GPC5: variants seen among roughly 807,000 people sequenced by gnomAD.
The protein encoded by GPC5 is glypican-5.
In GPC5, 47 loss-of-function variants were observed where a neutral mutation model predicts 53.9. The observed-to-expected ratio is 0.87, with a 90% CI of 0.69 to 1.11. The LOEUF is 1.11. Among genes scored for constraint, GPC5 ranks in the 50% most tolerant of loss-of-function variants. The pLI is 0.00. For missense variants in GPC5, 748 were observed against 713.1 expected (o/e 1.05, Z -0.56); for synonymous variants, 286 against 263.3 (o/e 1.09, Z -0.84).
intron 2 of GPC5, among the ~76,000 whole-genome samples, chr13:91,609,757 C>G (rs886683950): frequency 6.6e-6 from 1 of 152,194 alleles, no homozygotes; most frequent in Non-Finnish European, 1.5e-5. Flanking sequence ...GCATTGCACT[C>G]TGGGTTTTTA....
intron 5 of GPC5, among the ~76,000 whole-genome samples, chr13:91,883,490 G>A (rs571681135): frequency 6.6e-6 from 1 of 152,308 alleles, no homozygotes; most frequent in African/African-American, 2.4e-5. Flanking sequence ...TTTGAGGAGA[G>A]ACTTGAAGGA....
intron 1 of GPC5, among the ~76,000 whole-genome samples, chr13:91,413,791 G>A (rs546808618): frequency 5.9e-5 from 9 of 152,058 alleles, no homozygotes; most frequent in East Asian, 5.8e-4. Context: ...TTAACTTTGC[G>A]TGCTCTTTCT....
intron 1 of GPC5, among the ~76,000 whole-genome samples, chr13:91,405,373 A>C (rs928040557): frequency 2.0e-5 from 3 of 152,172 alleles, no homozygotes; most frequent in Admixed American, 2.0e-4. Flanking sequence ...TGACTTTGCC[A>C]ACTGTCCCAT....
rs375781983 is a variant in GPC5 at position 92,044,784 on chromosome 13, T to C, written c.1402-100046T>C. The stretch of plus-strand genomic sequence containing the variant: ...AAGACATAACCCATCCAGATGTTGA[T>C]GTATTAATTCCTAGTATTTTCCTAA... On this transcript the variant is annotated intron_variant, in intron 6 of 7. Coordinates refer to ENST00000377067, the MANE Select transcript of GPC5 (RefSeq NM_004466.6). 2.0e-5 allele frequency among the ~76,000 whole-genome samples: 3 copies of C among 152,330 alleles called. No homozygotes were observed. In the East Asian group the frequency reaches 5.8e-4, roughly 29 times the overall value.
At chr13:91,480,478 A>G (rs1883241122) in intron 2 of GPC5, among the ~76,000 whole-genome samples, 1 of 152,196 alleles carries the variant, frequency 6.6e-6, no homozygotes, top group Non-Finnish European at 1.5e-5. Flanking sequence ...ACTTTCTATA[A>G]TCCACTGCCA....
intron 6 of GPC5, among the ~76,000 whole-genome samples, chr13:91,971,636 A>T (rs1186694844): frequency 1.3e-5 from 2 of 151,958 alleles, no homozygotes; most frequent in African/African-American, 4.8e-5. Flanking sequence ...CACTGCTTTG[A>T]ATGTGTCCCA....
intron 7 of GPC5, among the ~76,000 whole-genome samples, chr13:92,779,969 C>T (rs1875958900): frequency 6.6e-6 from 1 of 152,048 alleles, no homozygotes. Context: ...AGGACGTTTT[C>T]AGTTGAAAGT....
intron 7 of GPC5, among the ~76,000 whole-genome samples, chr13:92,485,730 C>G (rs1879527947): frequency 6.6e-6 from 1 of 152,202 alleles, no homozygotes; most frequent in African/African-American, 2.4e-5. Flanking sequence ...AATCCCAGCA[C>G]TTTGGGAGGC....
chr13:92,342,861 GT>G (rs1216988252), intron 7 of GPC5, among the ~76,000 whole-genome samples: 3 of 152,170 alleles, frequency 2.0e-5, no homozygotes, highest in Non-Finnish European at 2.9e-5. Flanking sequence ...GAGATTCAGA[GT>G]TCTCTTCAGT....
At position 92,385,713 on chromosome 13, in the gene GPC5, A is replaced by G. The variant is rs530813605; in HGVS notation, c.1561+240724A>G. Among the ~76,000 whole-genome samples the G allele has an allele frequency of 1.2e-4, 17 of 143,186 alleles. No individual in the cohort carries two copies. In the East Asian group the frequency reaches 1.8e-3, roughly 15 times the overall value. The allele number at this position is 143,186 out of a possible 152,430, so 93.9% of individuals were successfully genotyped here. A position where few individuals can be genotyped will look rare whatever the true frequency, so the allele number is the denominator to read the frequency against. On this transcript the variant is annotated intron_variant, in intron 7 of 7. Coordinates refer to ENST00000377067, the MANE Select transcript of GPC5 (RefSeq NM_004466.6). ...TATACCTATATACACATATATACAC[A>G]TATATACATATATACATGTATATAT...
intron 2 of GPC5, among the ~76,000 whole-genome samples, chr13:91,603,549 A>G (rs1241548037): frequency 6.6e-6 from 1 of 152,224 alleles, no homozygotes; most frequent in Admixed American, 6.5e-5. Context: ...AAGATTGCTA[A>G]GGCCCAAATG....
chr13:92,032,380 A>T (rs568260204), intron 6 of GPC5, among the ~76,000 whole-genome samples: 83 of 151,644 alleles, frequency 5.5e-4, no homozygotes, highest in Non-Finnish European at 9.9e-4. Flanking sequence ...AGAAATCACC[A>T]CTAAAGAACT....
At position 92,282,971 on chromosome 13, in the gene GPC5, C is replaced by T. The variant is rs1440197705; in HGVS notation, c.1561+137982C>T. On this transcript the variant is annotated intron_variant, in intron 7 of 7. Coordinates refer to ENST00000377067, the MANE Select transcript of GPC5 (RefSeq NM_004466.6). The stretch of plus-strand genomic sequence containing the variant: ...GCTAATTGGATAAAAGAGTCAAGAC[C>T]CATCAGTGTGCTGTATTCAGGAGAC... Among the ~76,000 whole-genome samples, 4 of 152,108 alleles carry T rather than the reference C, an allele frequency of 2.6e-5. No individual in the cohort carries two copies. In the South Asian group the frequency reaches 8.3e-4, roughly 31 times the overall value.
intron 2 of GPC5, among the ~76,000 whole-genome samples, chr13:91,500,201 A>G (rs754977047): frequency 9.9e-5 from 15 of 152,234 alleles, no homozygotes; most frequent in Non-Finnish European, 1.8e-4. Flanking sequence ...TTAGAATACA[A>G]ATCCTTGAGG....
chr13:91,746,831 A>G (rs926902329), intron 4 of GPC5, among the ~76,000 whole-genome samples: 4 of 150,440 alleles, frequency 2.7e-5, no homozygotes, highest in African/African-American at 1.0e-4. Flanking sequence ...ATAAGACTCT[A>G]TTTATTAACC....
At chr13:92,440,192 C>T (rs2139384600) in intron 7 of GPC5, among the ~76,000 whole-genome samples, 1 of 152,216 alleles carries the variant, frequency 6.6e-6, no homozygotes, top group South Asian at 2.1e-4. Context: ...TATGAATTAA[C>T]CCATTCCCCA....
intron 7 of GPC5, among the ~76,000 whole-genome samples, chr13:92,536,853 A>G (rs1881740932): frequency 6.6e-6 from 1 of 152,160 alleles, no homozygotes; most frequent in South Asian, 2.1e-4. Flanking sequence ...CAAATACAAT[A>G]TATCAAATTT....
intron 4 of GPC5, among the ~76,000 whole-genome samples, chr13:91,734,808 C>T (rs1165527861): frequency 6.6e-6 from 1 of 151,192 alleles, no homozygotes; most frequent in Non-Finnish European, 1.5e-5. Context: ...ATTCTTGTTT[C>T]ATGGATGAGT....
intron 7 of GPC5, among the ~76,000 whole-genome samples, chr13:92,355,476 C>A (rs1350507059): frequency 1.3e-5 from 2 of 152,108 alleles, no homozygotes; most frequent in Non-Finnish European, 2.9e-5. Flanking sequence ...TGCTTACACA[C>A]CATTGAGCCT....
Sources: allele counts gnomAD v4.1 joint callset (sites outside exome capture counted in the v4.1 genomes callset), GRCh38; gene constraint gnomAD v4.1.1; transcripts MANE v1.5; gene names NCBI Gene and HGNC (gene_info 2026-07-23, HGNC 2026-07-21).